The following TMEM196 variants were observed in gnomAD, a reference collection of about 807,000 sequenced individuals.
TMEM196 encodes the protein transmembrane protein 196.
Under a neutral mutation model 20.0 loss-of-function variants are expected in TMEM196, and 17 were observed. The ratio of observed to expected loss-of-function variants is 0.85; its 90% CI spans 0.58 to 1.27. The LOEUF (loss-of-function observed/expected upper bound fraction) is 1.27. TMEM196 is among the 50% of genes most tolerant of loss of function. TMEM196 has a pLI of 0.00. For missense variants in TMEM196, 267 were observed against 223.0 expected (o/e 1.20, Z -1.26); for synonymous variants, 113 against 88.9 (o/e 1.27, Z -1.52).
intron 3 of TMEM196, 128 bp from the exon 4 acceptor site, chr7:19,724,481 T>A: frequency 1.3e-6 from 1 of 796,250 alleles, no homozygotes; most frequent in Non-Finnish European, 2.0e-6. Context: ...GTCATCTATT[T>A]TTAACAATCA....
chr7:19,727,734 T>A (rs1784051787), intron 2 of TMEM196, among the ~76,000 whole-genome samples: 1 of 152,204 alleles, frequency 6.6e-6, no homozygotes. Context: ...TTTAGTTTTC[T>A]GTTACAGGAA....
In TMEM196 at chr7:19,721,814, T is replaced by C. The variant is rs1436784260; in HGVS notation, c.*314A>G. The C allele has an allele frequency of 8.2e-6, 3 of 366,372 alleles. No individual in the cohort carries two copies. The highest frequency in any genetic ancestry group is 1.5e-5 in the Non-Finnish European group (3 of 205,862). 22.7% of individuals were successfully genotyped at this position (366,372 alleles called of 1,614,324 possible). On this transcript the variant is annotated 3_prime_UTR_variant, in exon 5 of 5. Transcript: ENST00000405844. Reference sequence around the variant, plus strand: ...TATGCATTTTATTTCTGTTTTATTATCTCTTTTTCCTGAAAAGTCTTCTTT... The same window carrying C: ...TATGCATTTTATTTCTGTTTTATTACCTCTTTTTCCTGAAAAGTCTTCTTT...
chr7:19,758,101 C>T (rs143412634), intron 1 of TMEM196, among the ~76,000 whole-genome samples: 21 of 151,994 alleles, frequency 1.4e-4, no homozygotes, highest in African/African-American at 4.8e-4. Flanking sequence ...CATTTCCAGT[C>T]CAAAGTTTTG....
At chr7:19,745,781 A>G (rs1300761970) in intron 1 of TMEM196, among the ~76,000 whole-genome samples, 1 of 149,746 alleles carries the variant, frequency 6.7e-6, no homozygotes, top group Non-Finnish European at 1.5e-5. Context: ...GAGGACATCA[A>G]ACCTTAGGAG....
At chr7:19,745,775 A>T (rs1490413481) in intron 1 of TMEM196, among the ~76,000 whole-genome samples, 7 of 149,670 alleles carry the variant, frequency 4.7e-5, no homozygotes, top group Non-Finnish European at 1.0e-4. Context: ...TGCTGAGAGG[A>T]CATCAAACCT....
At chr7:19,735,817 G>A (rs556881574) in intron 1 of TMEM196, among the ~76,000 whole-genome samples, 5 of 152,202 alleles carry the variant, frequency 3.3e-5, no homozygotes, top group African/African-American at 9.6e-5. Flanking sequence ...GATGAAATAA[G>A]TTTCACTGAA....
chr7:19,738,444 G>T (rs1285894082), intron 1 of TMEM196, among the ~76,000 whole-genome samples: 1 of 151,940 alleles, frequency 6.6e-6, no homozygotes, highest in Non-Finnish European at 1.5e-5. Flanking sequence ...TCTTTGCTCT[G>T]TTTACTGACA....
At chr7:19,730,031 C>T (rs1483399171) in intron 1 of TMEM196, among the ~76,000 whole-genome samples, 1 of 151,958 alleles carries the variant, frequency 6.6e-6, no homozygotes, top group East Asian at 1.9e-4. Flanking sequence ...TCATGGTGGA[C>T]GGATCACAAG....
At chr7:19,757,489 G>A (rs967274650) in intron 1 of TMEM196, among the ~76,000 whole-genome samples, 1 of 151,780 alleles carries the variant, frequency 6.6e-6, no homozygotes, top group Admixed American at 6.6e-5. Flanking sequence ...TGATCCACCC[G>A]CCTTGGCCTC....
intron 1 of TMEM196, among the ~76,000 whole-genome samples, chr7:19,750,779 G>T (rs997482755): frequency 7.3e-5 from 11 of 150,890 alleles, no homozygotes; most frequent in Non-Finnish European, 1.5e-4. Flanking sequence ...AGTGAATCTT[G>T]CACAATCTAC....
intron 1 of TMEM196, among the ~76,000 whole-genome samples, chr7:19,735,201 T>TA (rs1562611424): frequency 1.3e-5 from 2 of 152,090 alleles, no homozygotes; most frequent in Non-Finnish European, 2.9e-5. Flanking sequence ...ACAAATTTTT[T>TA]AAAAAAAGAT....
rs1180941975 is a variant in TMEM196, at chr7:19,729,449, AAAG to A, written c.148-14_148-12del. ...GCCACAAAGAAGAAACTGAAAAGGA[AAAG>A]AAGAACAATTACTCCTTATCCAAAG... On this transcript the variant is annotated splice_polypyrimidine_tract_variant and intron_variant, in intron 1 of 4. Coordinates refer to ENST00000405844, the MANE Select transcript of TMEM196 (RefSeq NM_001363562.2). 1.0e-5 allele frequency: 16 copies of A among 1,550,048 alleles called. No individual in the cohort carries two copies. The highest frequency in any genetic ancestry group is 7.4e-5 in the East Asian group (3 of 40,800).
chr7:19,762,522 CTT>C (rs1033280703), intron 1 of TMEM196, among the ~76,000 whole-genome samples: 3 of 151,988 alleles, frequency 2.0e-5, no homozygotes, highest in African/African-American at 7.2e-5. Flanking sequence ...ATTTATGTAA[CTT>C]AAAGTAGTTT....
intron 1 of TMEM196, among the ~76,000 whole-genome samples, chr7:19,755,457 C>T (rs1048236606): frequency 6.6e-6 from 1 of 152,160 alleles, no homozygotes; most frequent in Admixed American, 6.5e-5. Context: ...GCCTGGAACA[C>T]TTTTGGTACT....
At chr7:19,729,585 T>G (rs562055767) in intron 1 of TMEM196, 147 bp from the exon 2 acceptor site, 25 of 699,302 alleles carry the variant, frequency 3.6e-5, no homozygotes, top group Non-Finnish European at 5.5e-5. Context: ...AAGATCTCAT[T>G]CTAGAATAGT....
At chr7:19,767,738 G>A (rs1290459694) in intron 1 of TMEM196, among the ~76,000 whole-genome samples, 1 of 151,906 alleles carries the variant, frequency 6.6e-6, no homozygotes, top group Non-Finnish European at 1.5e-5. Flanking sequence ...TATGCTAAAG[G>A]ATATGAATCC....
In TMEM196 at chr7:19,721,632, GT is replaced by G. The variant is rs1783815587; in HGVS notation, c.*495del. 6.6e-6 allele frequency: 1 copy of G among 152,336 alleles called. No individual in the cohort carries two copies. Among genetic ancestry groups the G allele is most frequent in the Non-Finnish European group, 1.5e-5 (1 of 68,182 alleles). The allele number at this position is 152,336 out of a possible 1,614,324, so 9.4% of individuals were successfully genotyped here. On this transcript the variant is annotated 3_prime_UTR_variant, in exon 5 of 5. Transcript: ENST00000405844. ...GTTTTTATAACAAGGCATTACTGAGGTTTTGAATTGTAGCATCCTTGAAGCC... is the reference window on the plus strand; with the variant it reads ...GTTTTTATAACAAGGCATTACTGAGGTTTGAATTGTAGCATCCTTGAAGCC...
chr7:19,725,816 A>G (rs746071256), intron 2 of TMEM196, 48 bp from the exon 3 acceptor site: 2 of 1,541,150 alleles, frequency 1.3e-6, no homozygotes, highest in South Asian at 1.3e-5. Flanking sequence ...GGCAAACCTG[A>G]CCAGAACACA....
chr7:19,737,473 A>G (rs1237846146), intron 1 of TMEM196, among the ~76,000 whole-genome samples: 1 of 151,988 alleles, frequency 6.6e-6, no homozygotes, highest in Non-Finnish European at 1.5e-5. Flanking sequence ...GTATTTACCT[A>G]ACTAATTTGA....
Sources: gnomAD v4.1 joint callset for allele counts (sites outside exome capture counted in the v4.1 genomes callset) on GRCh38, gnomAD v4.1.1 for gene constraint, MANE v1.5 for transcripts, NCBI Gene and HGNC (gene_info 2026-07-23, HGNC 2026-07-21) for gene names.